DNAH2: variants seen among roughly 807,000 people sequenced by gnomAD.
DNAH2 encodes the protein axonemal beta dynein heavy chain 2.
In DNAH2, 323 loss-of-function variants were observed where a neutral mutation model predicts 523.5. That is an observed-to-expected ratio of 0.62 (90% CI 0.56 to 0.68). The LOEUF (loss-of-function observed/expected upper bound fraction) is 0.68. Among genes scored for constraint, DNAH2 ranks in the 30% least tolerant of loss-of-function variants. DNAH2 has a pLI of 0.00. For missense variants in DNAH2, 4,907 were observed against 5,701.5 expected (o/e 0.86, Z 4.49); for synonymous variants, 2,093 against 2,177.4 (o/e 0.96, Z 1.08).
intron 77 of DNAH2, among the ~76,000 whole-genome samples, chr17:7,825,774 G>C (rs2078001915): frequency 6.6e-6 from 1 of 152,114 alleles, no homozygotes; most frequent in Non-Finnish European, 1.5e-5. Context: ...GTCAGTGCCA[G>C]CTCTGAATTG....
chr17:7,790,371 C>G (rs1433334275), intron 44 of DNAH2, among the ~76,000 whole-genome samples: 1 of 151,710 alleles, frequency 6.6e-6, no homozygotes, highest in Non-Finnish European at 1.5e-5. Context: ...CGCAGGCGTG[C>G]GCCATCACAC....
rs1369581449 is a variant in DNAH2 at position 7,774,786 on chromosome 17, A to G, written c.4529A>G (p.Asn1510Ser). ...CTCCTGGACACATTGATAGAAATGA[A>G]TACAATCCTGGAAGATATTCAGAAA... ...PGLLDTLIEM[N>S]TILEDIQKSL... Residue 1510 changes from asparagine (N) to serine (S), a missense_variant, in exon 29 of 86, where the codon AAT (asparagine) becomes AGT (serine). Asn to Ser is a conservative substitution (Grantham distance 46). This residue lies in a region of DNAH2 where 2,806 missense variants were observed against 3,190.8 expected (regional missense o/e 0.88). Transcript: ENST00000572933. 6.2e-7 allele frequency: 1 copy of G among 1,614,208 alleles called. No individual in the cohort carries two copies.
In DNAH2 at chr17:7,762,909, A is replaced by C. The variant is rs1215866385; in HGVS notation, c.2979-922A>C. ...TCAAACAGTTAAAAAAAAAAAAAAA[A>C]CCTGCCTGAGGTCATAGAACTAGGA... On this transcript the variant is annotated intron_variant, in intron 18 of 85. Transcript: ENST00000572933. 2.0e-5 allele frequency among the ~76,000 whole-genome samples: 3 copies of C among 150,570 alleles called. No homozygotes were observed. In the East Asian group the frequency reaches 5.8e-4, roughly 29 times the overall value.
chr17:7,746,267 A>C (rs80164753), intron 12 of DNAH2, among the ~76,000 whole-genome samples: 100 of 152,366 alleles, frequency 6.6e-4, no homozygotes, highest in African/African-American at 2.3e-3. Context: ...GAGAATGAAA[A>C]GCCTGCTCCT....
chr17:7,829,107 T>C (rs2078099200), intron 77 of DNAH2, among the ~76,000 whole-genome samples: 1 of 151,914 alleles, frequency 6.6e-6, no homozygotes, highest in African/African-American at 2.4e-5. Context: ...CTCCTCCTCC[T>C]GGGTTCAAGC....
intron 2 of DNAH2, among the ~76,000 whole-genome samples, chr17:7,722,932 C>CTTTCTTTCT (rs1052434541): frequency 1.9e-4 from 27 of 138,700 alleles, no homozygotes; most frequent in Non-Finnish European, 3.7e-4. Context: ...CTGTGTTTAG[C>CTTTCTTTCT]TTTCTTTCTT....
Position 7,788,000 on chromosome 17 carries a change from A to G in DNAH2, c.6741+3A>G, listed in dbSNP as rs779379162. On this transcript the variant is annotated splice_donor_region_variant and intron_variant, in intron 43 of 85. Transcript: ENST00000572933. ...CATGGCTGGAGAAGAGGCCAAAGGT[A>G]TGAAGGGAACTGAGGAGAGGGAAAG... 1.9e-6 allele frequency: 3 copies of G among 1,614,136 alleles called. No individual in the cohort carries two copies. Among genetic ancestry groups the G allele is most frequent in the Non-Finnish European group, 2.5e-6 (3 of 1,179,990 alleles).
chr17:7,793,291 G>T, intron 48 of DNAH2, 86 bp downstream of exon 48: 1 of 1,386,428 alleles, frequency 7.2e-7, no homozygotes, highest in Non-Finnish European at 9.8e-7. Context: ...CCAGGCTATG[G>T]TCCTGTCATC....
rs111766534 is a variant in DNAH2 at position 7,821,002 on chromosome 17, G to A, written c.11016-241G>A. 2.6e-5 allele frequency among the ~76,000 whole-genome samples: 4 copies of A among 152,214 alleles called. No individual in the cohort carries two copies. Among genetic ancestry groups the A allele is most frequent in the Non-Finnish European group, 4.4e-5 (3 of 68,012 alleles). On this transcript the variant is annotated intron_variant, in intron 72 of 85. Coordinates refer to ENST00000572933, the MANE Select transcript of DNAH2 (RefSeq NM_020877.5). This position sits in a 1 kb window ranked among gnomAD's most constrained non-coding sequence, Gnocchi z 5.0. ...TGCAGTGTGTCGAGATCGTACCATG[G>A]TACTCCAGCCTAGGTGACAAGAGCG... is the stretch of plus-strand genomic sequence containing the variant.
intron 11 of DNAH2, among the ~76,000 whole-genome samples, chr17:7,741,317 C>A (rs2075335612): frequency 1.3e-5 from 1 of 76,784 alleles, no homozygotes; most frequent in Non-Finnish European, 2.4e-5. Flanking sequence ...CTCCCTCCCT[C>A]CCTCCCTCCT....
In DNAH2 at chr17:7,831,363, T is replaced by A; in HGVS notation, c.12460-27T>A. The A allele has an allele frequency of 6.2e-7, 1 of 1,614,064 alleles. No individual in the cohort carries two copies. The highest frequency in any genetic ancestry group is 8.5e-7 in the Non-Finnish European group (1 of 1,180,004). ...AGGGAAAGTGATGAGAAGAGGGGGCTACACTCAAGAGCTCCTGCCTGCTCA... is the reference window on the plus strand; with the variant it reads ...AGGGAAAGTGATGAGAAGAGGGGGCAACACTCAAGAGCTCCTGCCTGCTCA... On this transcript the variant is annotated intron_variant, in intron 80 of 85. Transcript: ENST00000572933. This position sits in a 1 kb window ranked among gnomAD's most constrained non-coding sequence, Gnocchi z 4.2.
Position 7,792,875 on chromosome 17 carries a change from G to A in DNAH2, c.7344+20G>A, listed in dbSNP as rs1242069797. ...GCACAGGTGTGTCGGGGATCCAGGGGCCAGGCTGCCGGCTCCCTTGGGATC... is the reference window on the plus strand; with the variant it reads ...GCACAGGTGTGTCGGGGATCCAGGGACCAGGCTGCCGGCTCCCTTGGGATC... On this transcript the variant is annotated intron_variant, in intron 47 of 85. Transcript: ENST00000572933. 1 of 1,606,382 alleles carries A rather than the reference G, an allele frequency of 6.2e-7. No individual in the cohort carries two copies. The highest frequency in any genetic ancestry group is 8.5e-7 in the Non-Finnish European group (1 of 1,173,586).
In DNAH2 at chr17:7,733,115, GCCA is replaced by G; in HGVS notation, c.429_431del (p.Gln144del). On this transcript the variant is annotated inframe_deletion, in exon 5 of 86. Transcript: ENST00000572933. Reference sequence around the variant, plus strand: ...CAGAACCAGCTTGTCTACTTCATTCGCCAAGCACCAGTTCCCATCACCTGGGAG... The same window carrying G: ...CAGAACCAGCTTGTCTACTTCATTCGAGCACCAGTTCCCATCACCTGGGAG... 1 of 1,614,108 alleles carries G rather than the reference GCCA, an allele frequency of 6.2e-7. No individual in the cohort carries two copies. The highest frequency in any genetic ancestry group is 8.5e-7 in the Non-Finnish European group (1 of 1,180,020).
intron 2 of DNAH2, 126 bp downstream of exon 2, chr17:7,720,026 GC>G: frequency 1.7e-6 from 2 of 1,197,436 alleles, no homozygotes; most frequent in South Asian, 1.8e-5. Context: ...GCTAAGTGAC[GC>G]CCCCAGCCAT....
Position 7,781,026 on chromosome 17 carries a change from G to A in DNAH2, c.6004-16G>A. The A allele has an allele frequency of 1.2e-6, 2 of 1,613,568 alleles. No homozygotes were observed. The highest frequency in any genetic ancestry group is 8.5e-7 in the Non-Finnish European group (1 of 1,179,988). ...CCTGCCTCCTCAAGCCTGAGTCTCT[G>A]TCTTTTCCCATTCAGGTTCTGCTGC... On this transcript the variant is annotated splice_polypyrimidine_tract_variant and intron_variant, in intron 38 of 85. Transcript: ENST00000572933.
chr17:7,764,365 G>C, intron 20 of DNAH2, 92 bp downstream of exon 20: 1 of 1,463,520 alleles, frequency 6.8e-7, no homozygotes, highest in Non-Finnish European at 9.2e-7. Context: ...GAGTAGAGAA[G>C]TGACAGCAGG....
intron 4 of DNAH2, among the ~76,000 whole-genome samples, chr17:7,731,938 A>G (rs540734699): frequency 1.5e-3 from 221 of 151,330 alleles, no homozygotes; most frequent in Non-Finnish European, 2.5e-3. Flanking sequence ...CTGAGGCAGG[A>G]GAATCGCTTG....
At chr17:7,719,508 A>G (rs1188683177) in intron 1 of DNAH2, among the ~76,000 whole-genome samples, 2 of 152,186 alleles carry the variant, frequency 1.3e-5, no homozygotes, top group Non-Finnish European at 2.9e-5. Flanking sequence ...CCCCGAAGAC[A>G]GTAGGATATC....
intron 12 of DNAH2, among the ~76,000 whole-genome samples, chr17:7,744,401 A>G (rs2075455455): frequency 6.6e-6 from 1 of 151,518 alleles, no homozygotes; most frequent in South Asian, 2.1e-4. Context: ...TGAGACTGTG[A>G]GTGTTTGTCC....
Sources: allele counts gnomAD v4.1 joint callset (sites outside exome capture counted in the v4.1 genomes callset), GRCh38; gene constraint gnomAD v4.1.1; regional missense constraint gnomAD v4.1.1; non-coding constraint Gnocchi (gnomAD v3.1); transcripts MANE v1.5; gene names NCBI Gene and HGNC (gene_info 2026-07-23, HGNC 2026-07-21).